The following CLEC16A variants were observed in gnomAD, a reference collection of about 807,000 sequenced individuals.
CLEC16A encodes the protein protein CLEC16A.
A neutral mutation model predicts 109.5 loss-of-function variants in CLEC16A; 51 were observed. That is an observed-to-expected ratio of 0.47 (90% CI 0.37 to 0.59). The LOEUF (loss-of-function observed/expected upper bound fraction) is 0.59. Ranked by LOEUF, CLEC16A falls within the 20% of genes least tolerant of loss-of-function variation. CLEC16A has a pLI of 0.00. For missense variants in CLEC16A, 1,339 were observed against 1,394.0 expected (o/e 0.96, Z 0.63); for synonymous variants, 673 against 564.2 (o/e 1.19, Z -2.73).
chr16:11,020,466 G>T, intron 12 of CLEC16A, 141 bp downstream of exon 12: 5 of 1,093,860 alleles, frequency 4.6e-6, no homozygotes, highest in Non-Finnish European at 6.3e-6. Flanking sequence ...TGCTTCTCCA[G>T]CTCTGGCCAC....
chr16:10,961,958 T>TC lies in CLEC16A; in HGVS notation c.210-496dup, dbSNP rs2042266547. On this transcript the variant is annotated intron_variant, in intron 2 of 23. Coordinates refer to ENST00000409790, the MANE Select transcript of CLEC16A (RefSeq NM_015226.3). The surrounding 1 kb of genome is among the most constrained non-coding windows in gnomAD (Gnocchi z 4.3). Reference sequence around the variant, plus strand: ...CTAAAGCTTTTTGGGAACTTTTTTTTCTTTTTTTTCTTTTTTTTTTTTTTG... The same window carrying TC: ...CTAAAGCTTTTTGGGAACTTTTTTTTCCTTTTTTTTCTTTTTTTTTTTTTTG... Among the ~76,000 whole-genome samples, 2 of 96,564 alleles carry TC rather than the reference T, an allele frequency of 2.1e-5. No homozygotes were observed. The highest frequency in any genetic ancestry group is 3.9e-5 in the Non-Finnish European group (2 of 51,744). 63.3% of individuals were successfully genotyped at this position (96,564 alleles called of 152,430 possible).
At position 11,166,428 on chromosome 16, in the gene CLEC16A, G is replaced by A. The variant is rs187291949; in HGVS notation, c.2682G>A (p.Pro894=). ...AGTGCATAAACCAGCACAGCTCCCC[G>A]TCCCTGTCCTCACAGTCGCCACCCT... The part of the protein sequence containing the change: ...VAQCINQHSS[P]SLSSQSPPSA... The change falls in exon 23 of 24, where the codon CCG becomes CCA. Residue 894 remains proline (P), a synonymous_variant. Coordinates refer to ENST00000409790, the MANE Select transcript of CLEC16A (RefSeq NM_015226.3). 353 of 1,606,452 alleles carry A rather than the reference G, an allele frequency of 2.2e-4. 2 individuals are homozygous for A. In the African/African-American group the frequency reaches 4.1e-3, roughly 19 times the overall value.
At chr16:11,154,826 C>T (rs1418174250) in intron 22 of CLEC16A, among the ~76,000 whole-genome samples, 1 of 152,086 alleles carries the variant, frequency 6.6e-6, no homozygotes, top group Non-Finnish European at 1.5e-5. Context: ...ACTTGGGAGG[C>T]TGAGGTAAGA....
intron 13 of CLEC16A, among the ~76,000 whole-genome samples, chr16:11,035,728 A>G (rs2046980265): frequency 6.6e-6 from 1 of 152,236 alleles, no homozygotes; most frequent in Non-Finnish European, 1.5e-5. Context: ...TGCGAAGGCA[A>G]TCTTGTCATC....
At chr16:11,095,654 A>T (rs921095244) in intron 19 of CLEC16A, among the ~76,000 whole-genome samples, 2 of 152,126 alleles carry the variant, frequency 1.3e-5, no homozygotes, top group East Asian at 3.9e-4. Flanking sequence ...TCTACTAAAA[A>T]TACAAAAATT....
At chr16:10,950,850 C>A (rs1324885692) in intron 1 of CLEC16A, among the ~76,000 whole-genome samples, 1 of 152,204 alleles carries the variant, frequency 6.6e-6, no homozygotes, top group Non-Finnish European at 1.5e-5. Context: ...CCCAGACCTC[C>A]TATCATTCTG....
At chr16:11,157,033 G>C (rs1567403004) in intron 22 of CLEC16A, 7 of 1,292,356 alleles carry the variant, frequency 5.4e-6, no homozygotes, top group Non-Finnish European at 7.1e-6. Context: ...TTAGGACACA[G>C]AGAGAAAGCA....
chr16:11,117,866 C>T (rs902443647), intron 19 of CLEC16A, among the ~76,000 whole-genome samples: 1 of 152,224 alleles, frequency 6.6e-6, no homozygotes, highest in Non-Finnish European at 1.5e-5. Flanking sequence ...CAGAGGATTG[C>T]ATACAGCGGT....
At chr16:11,091,821 G>A (rs1179052207) in intron 19 of CLEC16A, among the ~76,000 whole-genome samples, 2 of 152,058 alleles carry the variant, frequency 1.3e-5, no homozygotes, top group South Asian at 2.1e-4. Flanking sequence ...GGTAACCCAC[G>A]GGTAGCTGAA....
chr16:11,017,999 T>TAAAAAAAAAA (rs34526192), intron 11 of CLEC16A, among the ~76,000 whole-genome samples: 1 of 138,800 alleles, frequency 7.2e-6, no homozygotes, highest in African/African-American at 2.6e-5. Flanking sequence ...AAAGAGGTAT[T>TAAAAAAAAAA]AAAAAAAAAA....
chr16:11,057,319 G>A (rs747989924), intron 18 of CLEC16A, among the ~76,000 whole-genome samples: 7 of 152,234 alleles, frequency 4.6e-5, no homozygotes, highest in South Asian at 2.1e-4. Flanking sequence ...GGTGAAAACC[G>A]AGCCTTTGTT....
rs1327375915 is a variant in CLEC16A at position 11,046,750 on chromosome 16, C to G, written c.1816-542C>G. 2.6e-5 allele frequency among the ~76,000 whole-genome samples: 4 copies of G among 152,218 alleles called. No individual in the cohort carries two copies. In the East Asian group the frequency reaches 7.7e-4, roughly 29 times the overall value. On this transcript the variant is annotated intron_variant, in intron 16 of 23. Transcript: ENST00000409790. ...CAGAACCAAGACTATGCCCACCGTG[C>G]TGTTCTGAAGGGGCCCTCCCAGGCA...
Position 11,060,661 on chromosome 16 carries a change from A to G in CLEC16A, c.1996-241A>G, listed in dbSNP as rs76169982. ...CTGGCAGATGACGGGTGCTCAGTTCAGGTAAAGTAACCCAAACCTGAACCT... is the reference window on the plus strand; with the variant it reads ...CTGGCAGATGACGGGTGCTCAGTTCGGGTAAAGTAACCCAAACCTGAACCT... On this transcript the variant is annotated intron_variant, in intron 18 of 23. Coordinates refer to ENST00000409790, the MANE Select transcript of CLEC16A (RefSeq NM_015226.3). Among the ~76,000 whole-genome samples, 1,444 of 152,222 alleles carry G rather than the reference A, an allele frequency of 9.5e-3. 16 individuals are homozygous for G. Among genetic ancestry groups the G allele is most frequent in the Middle Eastern group, 0.044 (13 of 294 alleles).
chr16:11,169,682 C>T (rs966153978), intron 23 of CLEC16A, among the ~76,000 whole-genome samples: 1 of 152,230 alleles, frequency 6.6e-6, no homozygotes, highest in African/African-American at 2.4e-5. Context: ...TTTTCCATAG[C>T]TCTAGCCCAC....
At position 11,044,531 on chromosome 16, in the gene CLEC16A, C is replaced by G. The variant is rs369039794; in HGVS notation, c.1815+459C>G. On this transcript the variant is annotated intron_variant, in intron 16 of 23. Transcript: ENST00000409790. ...GTGCTAAGAAACCTTATACAGACTT[C>G]TAAACCTCTATTAACGTTTATTGAG... is the stretch of plus-strand genomic sequence containing the variant. Among the ~76,000 whole-genome samples, 40 of 152,326 alleles carry G rather than the reference C, an allele frequency of 2.6e-4. No homozygotes were observed. The South Asian group carries it at 7.9e-3, about 30-fold the overall frequency.
intron 13 of CLEC16A, among the ~76,000 whole-genome samples, chr16:11,037,034 G>A (rs74675931): frequency 6.6e-6 from 1 of 152,206 alleles, no homozygotes. Flanking sequence ...GTCGTGGGGC[G>A]GGTAGTTACC....
intron 3 of CLEC16A, among the ~76,000 whole-genome samples, 183 bp downstream of exon 3, chr16:10,962,771 AAG>A (rs2042311485): frequency 6.6e-6 from 1 of 152,144 alleles, no homozygotes; most frequent in Non-Finnish European, 1.5e-5. Flanking sequence ...ATTGAAGTCC[AAG>A]ATTGGCCAGG....
At chr16:11,030,245 T>C (rs1382261364) in intron 13 of CLEC16A, among the ~76,000 whole-genome samples, 2 of 152,256 alleles carry the variant, frequency 1.3e-5, no homozygotes, top group Non-Finnish European at 2.9e-5. Flanking sequence ...TATACATTCT[T>C]TTCTCTTGGA....
intron 19 of CLEC16A, among the ~76,000 whole-genome samples, chr16:11,075,378 C>CTGTGTGTGTGTGTGTGTGTGTGTGTCTG (rs2049292563): frequency 3.0e-5 from 4 of 134,688 alleles, no homozygotes; most frequent in African/African-American, 5.7e-5. Flanking sequence ...TTGGATATGT[C>CTGTGTGTGTGTGTGTGTGTGTGTGTCTG]TGTGTGTGTG....
Sources: allele counts gnomAD v4.1 joint callset (sites outside exome capture counted in the v4.1 genomes callset), GRCh38; gene constraint gnomAD v4.1.1; non-coding constraint Gnocchi (gnomAD v3.1); transcripts MANE v1.5; gene names NCBI Gene and HGNC (gene_info 2026-07-23, HGNC 2026-07-21).